Variants in FRYL observed in about 807,000 individuals in gnomAD.
FRYL encodes the protein protein furry homolog-like.
FRYL carries 150 observed loss-of-function variants against 351.2 expected under a neutral mutation model. The ratio of observed to expected loss-of-function variants is 0.43; its 90% CI spans 0.37 to 0.49. The LOEUF (loss-of-function observed/expected upper bound fraction) is 0.49. Among genes scored for constraint, FRYL ranks in the 20% least tolerant of loss-of-function variants. The pLI, the probability that FRYL is intolerant of heterozygous loss-of-function variation, is 0.00. For synonymous variants in FRYL, 1,153 were observed against 1,257.1 expected, an observed-to-expected ratio of 0.92 and a Z score of 1.75; for missense variants, 3,036 against 3,619.3, an observed-to-expected ratio of 0.84 and a Z score of 4.13.
intron 36 of FRYL, among the ~76,000 whole-genome samples, chr4:48,552,523 G>C (rs991521372): frequency 4.6e-5 from 7 of 152,084 alleles, no homozygotes; most frequent in Non-Finnish European, 2.9e-5. Context: ...ACACAAAACA[G>C]CAATGTAGAG....
chr4:48,675,337 G>A (rs1318626995), intron 3 of FRYL, among the ~76,000 whole-genome samples: 2 of 152,228 alleles, frequency 1.3e-5, no homozygotes, highest in Non-Finnish European at 2.9e-5. Context: ...AGGGAGGTGT[G>A]GAGGGAGAGG....
chr4:48,510,982 T>C lies in FRYL; in HGVS notation c.8148A>G (p.Thr2716=). Residue 2716 remains threonine, a splice_region_variant and synonymous_variant, in exon 58 of 64, where the codon ACA becomes ACG. Transcript: ENST00000358350. ...TFHVFSRLFQ[T]IQRKFGEITN... is the part of the protein sequence containing the mutation. ...TTATTTCTCCAAACTTTCTTTGAAT[T>C]GTCTATGGAGAAAAGCAGAAGAAAG... 6.2e-7 allele frequency: 1 copy of C among 1,609,330 alleles called. No individual in the cohort carries two copies. Among genetic ancestry groups the C allele is most frequent in the Non-Finnish European group, 8.5e-7 (1 of 1,177,884 alleles).
chr4:48,673,278 A>C (rs1763008545), intron 3 of FRYL, among the ~76,000 whole-genome samples: 1 of 152,250 alleles, frequency 6.6e-6, no homozygotes, highest in African/African-American at 2.4e-5. Flanking sequence ...CTTAATACAC[A>C]CTAGAATTAA....
chr4:48,507,977 G>T (rs1560507247), intron 59 of FRYL, among the ~76,000 whole-genome samples: 2 of 151,990 alleles, frequency 1.3e-5, no homozygotes, highest in East Asian at 1.9e-4. Flanking sequence ...TAGCAGTCTT[G>T]AATAATAATA....
intron 59 of FRYL, among the ~76,000 whole-genome samples, chr4:48,507,027 T>C (rs1469323573): frequency 6.6e-6 from 1 of 152,216 alleles, no homozygotes; most frequent in Non-Finnish European, 1.5e-5. Flanking sequence ...TGTGCATTAA[T>C]CTTTATTCAT....
intron 12 of FRYL, among the ~76,000 whole-genome samples, chr4:48,602,400 ATG>A (rs1745892909): frequency 6.6e-6 from 1 of 152,144 alleles, no homozygotes; most frequent in Non-Finnish European, 1.5e-5. Context: ...TTTTGTGGTT[ATG>A]ACTAGTCCCT....
In FRYL at chr4:48,589,817, T is replaced by A; in HGVS notation, c.1568A>T (p.Asp523Val). 4 of 1,613,778 alleles carry A rather than the reference T, an allele frequency of 2.5e-6. No homozygotes were observed. The highest frequency in any genetic ancestry group is 3.4e-6 in the Non-Finnish European group (4 of 1,179,696). The part of the protein sequence containing the change: ...KALDSILRHL[D>V]KEVGRPMCMT... ...ACACATTGGTCTCCCAACTTCTTTG[T>A]CCAAATGTCTGAGGATGCTATCTAA... Residue 523 changes from aspartate to valine, a missense_variant, in exon 18 of 64, where the codon GAC (aspartate) becomes GTC (valine). Physicochemically the swap from Asp to Val is radical, Grantham distance 152 (BLOSUM62 -3). Around this residue, in one of 7 missense-constraint regions of FRYL, gnomAD observed 78 missense variants for 106.6 expected, o/e 0.73. Coordinates refer to ENST00000358350, the MANE Select transcript of FRYL (RefSeq NM_015030.2).
rs933003182 is a variant in FRYL at position 48,549,406 on chromosome 4, C to T, written c.4784+67G>A. 1 of 1,457,014 alleles carries T rather than the reference C, an allele frequency of 6.9e-7. No homozygotes were observed. 90.3% of individuals were successfully genotyped at this position (1,457,014 alleles called of 1,614,324 possible). A position where few individuals can be genotyped will look rare whatever the true frequency, so the allele number is the denominator to read the frequency against. On this transcript the variant is annotated intron_variant, in intron 39 of 63. Transcript: ENST00000358350. This position sits in a 1 kb window ranked among gnomAD's most constrained non-coding sequence, Gnocchi z 4.2. ...TTTCATTCTGTGTTGTCAGATAGCACAAAGAAAGCCGACAGTGTTCAGCAG... is the reference window on the plus strand; with the variant it reads ...TTTCATTCTGTGTTGTCAGATAGCATAAAGAAAGCCGACAGTGTTCAGCAG...
At chr4:48,507,067 T>C (rs1263383718) in intron 59 of FRYL, among the ~76,000 whole-genome samples, 1 of 152,250 alleles carries the variant, frequency 6.6e-6, no homozygotes, top group Non-Finnish European at 1.5e-5. Context: ...ATACACTTAA[T>C]TATGCCTTAT....
chr4:48,605,854 T>C (rs1231294201), intron 10 of FRYL, 21 bp from the exon 11 acceptor site: 2 of 1,320,154 alleles, frequency 1.5e-6, no homozygotes, highest in Admixed American at 4.2e-5. Flanking sequence ...AAGAGGTATA[T>C]ACTTAGATTA....
intron 1 of FRYL, among the ~76,000 whole-genome samples, chr4:48,728,765 C>T (rs555436051): frequency 4.6e-5 from 7 of 152,234 alleles, no homozygotes; most frequent in Admixed American, 6.5e-5. Flanking sequence ...CCAAGATGGA[C>T]GAATAGTAAC....
chr4:48,540,769 A>G lies in FRYL; in HGVS notation c.5879T>C (p.Leu1960Pro). 3.1e-6 allele frequency: 5 copies of G among 1,613,982 alleles called. No homozygotes were observed. Among genetic ancestry groups the G allele is most frequent in the Non-Finnish European group, 3.4e-6 (4 of 1,179,920 alleles). ...RRGDRRRSNT[L>P]DIMDGRINHS... ...GTTTATCCGTCCATCCATTATATCC[A>G]GTGTGTTACTCCGCCGCCGGTCACC... Residue 1960 changes from leucine (L) to proline (P), a missense_variant, in exon 46 of 64, where the codon CTG becomes CCG. By Grantham distance (98) the Leu-to-Pro change is moderately conservative (BLOSUM62 -3). Coordinates refer to ENST00000358350, the MANE Select transcript of FRYL (RefSeq NM_015030.2).
intron 1 of FRYL, among the ~76,000 whole-genome samples, chr4:48,751,307 A>G (rs1773228919): frequency 6.6e-6 from 1 of 152,224 alleles, no homozygotes; most frequent in African/African-American, 2.4e-5. Context: ...AAGATTTAAA[A>G]TAATTTGAGA....
chr4:48,540,509 C>T lies in FRYL; in HGVS notation c.6139G>A (p.Val2047Ile). The change falls in exon 46 of 64, where the codon GTA becomes ATA. Residue 2047 changes from valine (V) to isoleucine (I), a missense_variant. Physicochemically the swap from Val to Ile is conservative, Grantham distance 29. Transcript: ENST00000358350. ...KSESREKIEN[V>I]QSKLKWTNFP... Reference sequence around the variant, plus strand: ...TTAGTCCATTTCAATTTGCTTTGTACATTTTCAATCTTCTCTCGACTCTCT... The same window carrying T: ...TTAGTCCATTTCAATTTGCTTTGTATATTTTCAATCTTCTCTCGACTCTCT... 2.5e-6 allele frequency: 4 copies of T among 1,614,080 alleles called. No homozygotes were observed. Among genetic ancestry groups the T allele is most frequent in the Non-Finnish European group, 3.4e-6 (4 of 1,179,964 alleles).
Position 48,546,155 on chromosome 4 carries a change from G to C in FRYL, c.5191C>G (p.His1731Asp). 6.2e-7 allele frequency: 1 copy of C among 1,613,792 alleles called. No individual in the cohort carries two copies. The highest frequency in any genetic ancestry group is 1.6e-4 in the Middle Eastern group (1 of 6,062). The change falls in exon 42 of 64, where the codon CAT becomes GAT. Residue 1731 changes from histidine (H) to aspartate (D), a missense_variant. Physicochemically the swap from His to Asp is moderately conservative, Grantham distance 81. Around this residue, in one of 7 missense-constraint regions of FRYL, gnomAD observed 1,987 missense variants for 2,311.7 expected, o/e 0.86. Coordinates refer to ENST00000358350, the MANE Select transcript of FRYL (RefSeq NM_015030.2). ...TCATTGAGGATAGTGGTGTGCAGAT[G>C]TGAAATGGCAGCACTGTTATTTCCT... ...SLGNNSAAIS[H>D]LHTTILNEVD...
At chr4:48,568,340 T>A (rs1737326633) in intron 27 of FRYL, among the ~76,000 whole-genome samples, 1 of 152,162 alleles carries the variant, frequency 6.6e-6, no homozygotes, top group South Asian at 2.1e-4. Context: ...GATGGAGTAT[T>A]TGGTTAGAGT....
intron 3 of FRYL, among the ~76,000 whole-genome samples, chr4:48,665,533 T>C (rs1327036743): frequency 6.6e-6 from 1 of 152,240 alleles, no homozygotes; most frequent in Non-Finnish European, 1.5e-5. Flanking sequence ...TTTTATAACA[T>C]AATGCATATT....
rs529372825 is a variant in FRYL at position 48,561,633 on chromosome 4, G to T, written c.3700C>A (p.Leu1234Met). The part of the protein sequence containing the change: ...YEVAMQLLQI[L>M]EPKMFRYAHK... ...GCATAGCGAAACATCTTCGGTTCCA[G>T]AATCTATAGGAATGTGATTCCATCA... is the stretch of plus-strand genomic sequence containing the variant. Residue 1234 changes from leucine to methionine, a missense_variant, in exon 33 of 64, where the codon CTG (leucine) becomes ATG (methionine). Physicochemically the swap from Leu to Met is conservative, Grantham distance 15 (BLOSUM62 2). Around this residue, in one of 7 missense-constraint regions of FRYL, gnomAD observed 1,987 missense variants for 2,311.7 expected, o/e 0.86. Coordinates refer to ENST00000358350, the MANE Select transcript of FRYL (RefSeq NM_015030.2). 44 of 1,603,754 alleles carry T rather than the reference G, an allele frequency of 2.7e-5. No homozygotes were observed. In the South Asian group the frequency reaches 3.5e-4, roughly 13 times the overall value.
At position 48,540,866 on chromosome 4, in the gene FRYL, T is replaced by G. The variant is rs1233892524; in HGVS notation, c.5782A>C (p.Ser1928Arg). Residue 1928 changes from serine to arginine, a missense_variant, in exon 46 of 64, where the codon AGC (serine) becomes CGC (arginine). By Grantham distance (110) the Ser-to-Arg change is moderately radical (BLOSUM62 -1). Around this residue, in one of 7 missense-constraint regions of FRYL, gnomAD observed 1,987 missense variants for 2,311.7 expected, o/e 0.86. Coordinates refer to ENST00000358350, the MANE Select transcript of FRYL (RefSeq NM_015030.2). ...LNLSTSPINS[S>R]SYLGYNSNAR... ...TTACTGTTATATCCCAAATAACTGC[T>G]ACTATTAATGGGACTTGTGCTTAGA... is the stretch of plus-strand genomic sequence containing the variant. 2.5e-6 allele frequency: 4 copies of G among 1,613,960 alleles called. No homozygotes were observed. The Admixed American group carries it at 6.7e-5, about 27-fold the overall frequency.
Sources: gnomAD v4.1 joint callset for allele counts (sites outside exome capture counted in the v4.1 genomes callset) on GRCh38, gnomAD v4.1.1 for gene constraint, gnomAD v4.1.1 regional missense constraint, Gnocchi (gnomAD v3.1) non-coding constraint, MANE v1.5 for transcripts, NCBI Gene and HGNC (gene_info 2026-07-23, HGNC 2026-07-21) for gene names.